The following UBR4 variants were observed in gnomAD, a reference collection of about 807,000 sequenced individuals.
UBR4 encodes the protein E3 ubiquitin-protein ligase UBR4.
UBR4 carries 124 observed loss-of-function variants against 575.6 expected under a neutral mutation model. The observed-to-expected ratio is 0.22, with a 90% CI of 0.19 to 0.25. The LOEUF (loss-of-function observed/expected upper bound fraction) is 0.25, where lower values mean the gene tolerates loss of function less well. Among genes scored for constraint, UBR4 ranks in the 10% least tolerant of loss-of-function variants. The probability of loss-of-function intolerance (pLI) is 1.00; values close to 1 mark genes in which losing one functional copy is unlikely to be tolerated. For missense variants in UBR4, 4,818 were observed against 6,478.8 expected, an observed-to-expected ratio of 0.74 and a Z score of 8.80; for synonymous variants, 2,455 against 2,473.7, an observed-to-expected ratio of 0.99 and a Z score of 0.22.
intron 49 of UBR4, chr1:19,149,933 G>T: frequency 2.1e-6 from 1 of 484,954 alleles, no homozygotes; most frequent in Non-Finnish European, 3.4e-6. Context: ...GGAGGAGGCT[G>T]GTGGTGGGAG....
chr1:19,186,316 C>A (rs538495028), intron 14 of UBR4, among the ~76,000 whole-genome samples: 2 of 152,270 alleles, frequency 1.3e-5, no homozygotes, highest in Non-Finnish European at 2.9e-5. Flanking sequence ...TGAAAAGTAA[C>A]CCAGGCTTGG....
chr1:19,207,998 C>T (rs2093094240), intron 1 of UBR4, among the ~76,000 whole-genome samples: 1 of 152,202 alleles, frequency 6.6e-6, no homozygotes, highest in African/African-American at 2.4e-5. Flanking sequence ...TTGCCAACGC[C>T]TGCTTTATAA....
At chr1:19,179,340 G>T in intron 17 of UBR4, 120 bp from the exon 18 acceptor site, 1 of 1,094,948 alleles carries the variant, frequency 9.1e-7, no homozygotes, top group Non-Finnish European at 1.2e-6. Flanking sequence ...AAAGAAAGAA[G>T]GACCCAGAAA....
At chr1:19,090,454 C>T (rs1309679772) in intron 97 of UBR4, among the ~76,000 whole-genome samples, 4 of 152,174 alleles carry the variant, frequency 2.6e-5, no homozygotes, top group African/African-American at 9.7e-5. Context: ...CTTGCCATGC[C>T]TCGCCTCCGA....
At position 19,139,090 on chromosome 1, in the gene UBR4, C is replaced by T. The variant is rs2149922662; in HGVS notation, c.8724G>A (p.Glu2908=). 6.2e-7 allele frequency: 1 copy of T among 1,612,262 alleles called. No homozygotes were observed. Among genetic ancestry groups the T allele is most frequent in the African/African-American group, 1.3e-5 (1 of 75,030 alleles). ...CCCGCCATGGCACATTACCACTGTG[C>T]TCGCCAGCCACTGAGTCCACTGCAC... ...GGSAVDSVAG[E]HSVSGRSSAY... The change falls in exon 59 of 106, where the codon GAG becomes GAA. Residue 2908 remains glutamate (E), a synonymous_variant. Coordinates refer to ENST00000375254, the MANE Select transcript of UBR4 (RefSeq NM_020765.3). This position sits in a 1 kb window ranked among gnomAD's most constrained non-coding sequence, Gnocchi z 4.2.
chr1:19,199,915 A>G lies in UBR4; in HGVS notation c.275-161T>C, dbSNP rs111578524. Among the ~76,000 whole-genome samples the G allele has an allele frequency of 4.7e-3, 721 of 152,354 alleles. 5 individuals are homozygous for G. Among genetic ancestry groups the G allele is most frequent in the Middle Eastern group, 0.017 (5 of 294 alleles). On this transcript the variant is annotated intron_variant, in intron 2 of 105. Coordinates refer to ENST00000375254, the MANE Select transcript of UBR4 (RefSeq NM_020765.3). ...AAACAAAGGCATTTTGACATCAATA[A>G]CTACCAGATCAATTTATCTCATATT...
At chr1:19,144,142 ACT>A (rs763143364) in intron 54 of UBR4, 51 bp from the exon 55 acceptor site, 2 of 1,531,850 alleles carry the variant, frequency 1.3e-6, no homozygotes, top group South Asian at 1.1e-5. Context: ...TATTCATGAA[ACT>A]CTCTATAAAA....
rs111994199 is a variant in UBR4, at chr1:19,108,496, G to A, written c.12106-1530C>T. On this transcript the variant is annotated intron_variant, in intron 81 of 105. Coordinates refer to ENST00000375254, the MANE Select transcript of UBR4 (RefSeq NM_020765.3). ...GCTGTACTTGGGGTGCAGCAGAGGC[G>A]CTTTCTGTGTACTCATTTTGTCACA... 3.5e-4 allele frequency among the ~76,000 whole-genome samples: 54 copies of A among 152,208 alleles called. 1 individual carries two copies. The South Asian group carries it at 7.5e-3, about 21-fold the overall frequency.
At position 19,152,197 on chromosome 1, in the gene UBR4, G is replaced by A. The variant is rs1171739734; in HGVS notation, c.6996+116C>T. The A allele has an allele frequency of 1.3e-5, 18 of 1,384,932 alleles. No individual in the cohort carries two copies. In the East Asian group the frequency reaches 3.9e-4, roughly 30 times the overall value. The allele number at this position is 1,384,932 out of a possible 1,614,324, so 85.8% of individuals were successfully genotyped here. A position where few individuals can be genotyped will look rare whatever the true frequency, so the allele number is the denominator to read the frequency against. ...AAGGAACCATTTAACTAGAACCGAGGGTTGTGACTGTGAGTATATACTCTA... is the reference window on the plus strand; with the variant it reads ...AAGGAACCATTTAACTAGAACCGAGAGTTGTGACTGTGAGTATATACTCTA... On this transcript the variant is annotated intron_variant, in intron 47 of 105. Coordinates refer to ENST00000375254, the MANE Select transcript of UBR4 (RefSeq NM_020765.3). This position sits in a 1 kb window ranked among gnomAD's most constrained non-coding sequence, Gnocchi z 4.4.
rs1036885925 is a variant in UBR4, at chr1:19,195,181, C to T, written c.1019-1624G>A. On this transcript the variant is annotated intron_variant, in intron 8 of 105. Coordinates refer to ENST00000375254, the MANE Select transcript of UBR4 (RefSeq NM_020765.3). ...AAGGGAGGCTGAGGCAGGAGAATGG[C>T]GTGAAACCAGGAGGTGGAGCTTGCA... is the stretch of plus-strand genomic sequence containing the variant. Among the ~76,000 whole-genome samples the T allele has an allele frequency of 2.6e-5, 4 of 151,294 alleles. No homozygotes were observed. The South Asian group carries it at 6.3e-4, about 24-fold the overall frequency.
At position 19,122,107 on chromosome 1, in the gene UBR4, G is replaced by C. The variant is rs1361605016; in HGVS notation, c.9817-95C>G. 157 of 1,252,482 alleles carry C rather than the reference G, an allele frequency of 1.3e-4. 1 individual carries two copies. In the East Asian group the frequency reaches 3.6e-3, roughly 29 times the overall value. The allele number at this position is 1,252,482 out of a possible 1,614,324, so 77.6% of individuals were successfully genotyped here. ...GCCTGGAGCCATCTCCCTGACTTTG[G>C]ACTACACCTGAACATGATCTTCTGA... On this transcript the variant is annotated intron_variant, in intron 66 of 105. Coordinates refer to ENST00000375254, the MANE Select transcript of UBR4 (RefSeq NM_020765.3).
chr1:19,104,892 TAATA>T, intron 85 of UBR4, 152 bp downstream of exon 85: 1 of 1,284,510 alleles, frequency 7.8e-7, no homozygotes, highest in Non-Finnish European at 1.1e-6. Flanking sequence ...TACAGCTACA[TAATA>T]AATACAATGA....
At chr1:19,124,208 T>C (rs1027081400) in intron 65 of UBR4, among the ~76,000 whole-genome samples, 1 of 152,256 alleles carries the variant, frequency 6.6e-6, no homozygotes, top group Admixed American at 6.5e-5. Flanking sequence ...CCAACAGCAT[T>C]TACCCAATTT....
chr1:19,154,781 C>T (rs2086219642), intron 44 of UBR4, 137 bp downstream of exon 44: 7 of 1,244,132 alleles, frequency 5.6e-6, no homozygotes, highest in Non-Finnish European at 7.9e-6. Flanking sequence ...TTAAAGATAC[C>T]TAGCAGGGGA....
rs1044762463 is a variant in UBR4 at position 19,100,096 on chromosome 1, G to C, written c.13221+280C>G. Reference sequence around the variant, plus strand: ...GACTCACCGAGAAGTCTCTGCCAGAGGCAATAACGATAATAAATACCCACC... The same window carrying C: ...GACTCACCGAGAAGTCTCTGCCAGACGCAATAACGATAATAAATACCCACC... On this transcript the variant is annotated intron_variant, in intron 89 of 105. Coordinates refer to ENST00000375254, the MANE Select transcript of UBR4 (RefSeq NM_020765.3). This position sits in a 1 kb window ranked among gnomAD's most constrained non-coding sequence, Gnocchi z 4.2. 8 of 487,248 alleles carry C rather than the reference G, an allele frequency of 1.6e-5. No individual in the cohort carries two copies. The highest frequency in any genetic ancestry group is 1.5e-4 in the African/African-American group (8 of 51,626). The allele number at this position is 487,248 out of a possible 1,614,324, so 30.2% of individuals were successfully genotyped here. A position where few individuals can be genotyped will look rare whatever the true frequency, so the allele number is the denominator to read the frequency against.
At chr1:19,173,960 T>C (rs1485429116) in intron 22 of UBR4, among the ~76,000 whole-genome samples, 2 of 152,214 alleles carry the variant, frequency 1.3e-5, no homozygotes, top group African/African-American at 2.4e-5. Flanking sequence ...CTATCCGTTT[T>C]TGTGGCCTGG....
intron 102 of UBR4, among the ~76,000 whole-genome samples, chr1:19,084,181 T>C (rs2076786777): frequency 1.3e-5 from 2 of 152,224 alleles, no homozygotes; most frequent in South Asian, 2.1e-4. Context: ...AAGTAGCCGC[T>C]GCATCGAAGT....
At chr1:19,078,357 C>T (rs1036045566) in intron 103 of UBR4, 25 of 306,498 alleles carry the variant, frequency 8.2e-5, no homozygotes, top group Middle Eastern at 1.0e-3. Flanking sequence ...CCAGGGCAGA[C>T]GTGGCAAATG....
Position 19,152,621 on chromosome 1 carries a change from T to A in UBR4, c.6833-145A>T. 1 of 1,075,226 alleles carries A rather than the reference T, an allele frequency of 9.3e-7. No individual in the cohort carries two copies. The highest frequency in any genetic ancestry group is 1.3e-6 in the Non-Finnish European group (1 of 750,156). 66.6% of individuals were successfully genotyped at this position (1,075,226 alleles called of 1,614,324 possible). A position where few individuals can be genotyped will look rare whatever the true frequency, so the allele number is the denominator to read the frequency against. ...ATAACATTTGCATCGGCATGATGCCTACATGTGGTTAGCTCTCCAATGGTT... is the reference window on the plus strand; with the variant it reads ...ATAACATTTGCATCGGCATGATGCCAACATGTGGTTAGCTCTCCAATGGTT... On this transcript the variant is annotated intron_variant, in intron 46 of 105. Transcript: ENST00000375254. The surrounding 1 kb of genome is among the most constrained non-coding windows in gnomAD (Gnocchi z 4.4).
Sources: gnomAD v4.1 joint callset for allele counts (sites outside exome capture counted in the v4.1 genomes callset) on GRCh38, gnomAD v4.1.1 for gene constraint, Gnocchi (gnomAD v3.1) non-coding constraint, MANE v1.5 for transcripts, NCBI Gene and HGNC (gene_info 2026-07-23, HGNC 2026-07-21) for gene names.